ZNF443: variants seen among roughly 807,000 people sequenced by gnomAD.
The protein encoded by ZNF443 is zinc finger protein 443, also known as Kruppel-type zinc finger (C2H2).
ZNF443 carries 3 observed loss-of-function variants against 12.0 expected under a neutral mutation model. The observed-to-expected ratio is 0.25, with a 90% CI of 0.11 to 0.64. The LOEUF is 0.64. Among genes scored for constraint, ZNF443 ranks in the 30% least tolerant of loss-of-function variants. The pLI is 0.84. For synonymous variants in ZNF443, 225 were observed against 265.9 expected, an observed-to-expected ratio of 0.85 and a Z score of 1.50; for missense variants, 770 against 808.8, an observed-to-expected ratio of 0.95 and a Z score of 0.58.
At chr19:12,440,764 T>G (rs1000424547) in intron 1 of ZNF443, 148 bp downstream of exon 1, 15 of 1,364,264 alleles carry the variant, frequency 1.1e-5, no homozygotes, top group Non-Finnish European at 1.5e-5. Flanking sequence ...AGCCCCACCC[T>G]GCGGCCGAGG....
intron 1 of ZNF443, among the ~76,000 whole-genome samples, chr19:12,440,572 CG>C (rs1970354788): frequency 6.6e-6 from 1 of 152,114 alleles, no homozygotes; most frequent in African/African-American, 2.4e-5. Flanking sequence ...CCTGTTAAAC[CG>C]TTTCTGCTGC....
At chr19:12,439,967 G>T (rs1432181897) in intron 1 of ZNF443, among the ~76,000 whole-genome samples, 5 of 151,644 alleles carry the variant, frequency 3.3e-5, no homozygotes, top group Admixed American at 1.3e-4. Context: ...GCCCTAGGAA[G>T]AGTCAGGATG....
At position 12,431,486 on chromosome 19, in the gene ZNF443, T is replaced by C; in HGVS notation, c.686A>G (p.Gln229Arg). 6.2e-7 allele frequency: 1 copy of C among 1,614,148 alleles called. No homozygotes were observed. The highest frequency in any genetic ancestry group is 8.5e-7 in the Non-Finnish European group (1 of 1,179,984). ...HTGEKPYECK[Q>R]CSKAFSFYSS... ...GTAAAAAGAAAAGGCTTTAGAACAC[T>C]GCTTACATTCATATGGTTTCTCTCC... The change falls in exon 4 of 4, where the codon CAG becomes CGG. Residue 229 changes from glutamine to arginine, a missense_variant. Gln to Arg is a conservative substitution (Grantham distance 43, BLOSUM62 1). Transcript: ENST00000301547.
At chr19:12,433,436 A>C (rs1434166142) in intron 1 of ZNF443, among the ~76,000 whole-genome samples, 1 of 152,248 alleles carries the variant, frequency 6.6e-6, no homozygotes, top group African/African-American at 2.4e-5. Context: ...TGGCGAACTA[A>C]GTGAGTGAAT....
Position 12,430,569 on chromosome 19 carries a change from T to TAGA in ZNF443, c.1602_1603insTCT (p.Cys534_Lys535insSer), listed in dbSNP as rs1970238465. On this transcript the variant is annotated inframe_insertion, in exon 4 of 4. Coordinates refer to ENST00000301547, the MANE Select transcript of ZNF443 (RefSeq NM_005815.5). ...TGACCGAAGGCTTTCCTACATGTTT[T>TAGA]ACACTCATAAGGTTTCTCTCCTGTG... 1 of 1,613,968 alleles carries TAGA rather than the reference T, an allele frequency of 6.2e-7. No homozygotes were observed. The highest frequency in any genetic ancestry group is 8.5e-7 in the Non-Finnish European group (1 of 1,179,984).
Position 12,430,478 on chromosome 19 carries a change from C to T in ZNF443, c.1694G>A (p.Cys565Tyr), listed in dbSNP as rs1183627836. ...SGEKPYECKE[C>Y]GKAFSWLTCF... ...AGTGAGCCAAGAGAATGCTTTCCCA[C>T]ATTCCTTACATTCATACGGCTTCTC... Residue 565 changes from cysteine (C) to tyrosine (Y), a missense_variant, in exon 4 of 4, where the codon TGT (cysteine) becomes TAT (tyrosine). By Grantham distance (194) the Cys-to-Tyr change is radical. This residue lies in a region of ZNF443 where 736 missense variants were observed against 689.4 expected (regional missense o/e 1.07). Coordinates refer to ENST00000301547, the MANE Select transcript of ZNF443 (RefSeq NM_005815.5). 6.2e-7 allele frequency: 1 copy of T among 1,614,054 alleles called. No homozygotes were observed. Among genetic ancestry groups the T allele is most frequent in the African/African-American group, 1.3e-5 (1 of 74,944 alleles).
chr19:12,438,685 AAAAC>A (rs1281250541), intron 1 of ZNF443, among the ~76,000 whole-genome samples: 8 of 152,202 alleles, frequency 5.3e-5, no homozygotes, highest in Non-Finnish European at 1.0e-4. Flanking sequence ...AATCATCCGA[AAAAC>A]AAACACACCT....
intron 1 of ZNF443, among the ~76,000 whole-genome samples, chr19:12,433,609 G>A (rs776961333): frequency 2.1e-4 from 32 of 152,252 alleles, no homozygotes; most frequent in Admixed American, 4.6e-4. Flanking sequence ...TTTTCATGGT[G>A]TCTAGACAGT....
chr19:12,433,278 T>C, intron 1 of ZNF443, 81 bp from the exon 2 acceptor site: 5 of 1,468,122 alleles, frequency 3.4e-6, no homozygotes, highest in East Asian at 2.5e-5. Flanking sequence ...AAATTTCACA[T>C]GATGCTGTGG....
chr19:12,431,692 C>T lies in ZNF443; in HGVS notation c.480G>A (p.Glu160=), dbSNP rs777798631. Residue 160 remains glutamate (E), a synonymous_variant, in exon 4 of 4, where the codon GAG becomes GAA. Transcript: ENST00000301547. The stretch of plus-strand genomic sequence containing the variant: ...ATGGTTTCTTTCCAGTGTGAAGCCT[C>T]TCATGTGTTTGAAATGAGTTGTGGT... The part of the protein sequence containing the change: ...FSYHNSFQTH[E]RLHTGKKPYD... 3.7e-6 allele frequency: 6 copies of T among 1,614,140 alleles called. No homozygotes were observed. The South Asian group carries it at 6.6e-5, about 18-fold the overall frequency.
At chr19:12,432,603 T>C (rs1462623407) in intron 2 of ZNF443, among the ~76,000 whole-genome samples, 166 bp from the exon 3 acceptor site, 1 of 141,238 alleles carries the variant, frequency 7.1e-6, no homozygotes, top group Non-Finnish European at 1.5e-5. Context: ...TATACATATA[T>C]ATATGAATGT....
At chr19:12,436,114 G>A (rs185686551) in intron 1 of ZNF443, among the ~76,000 whole-genome samples, 1,645 of 147,116 alleles carry the variant, frequency 0.011, 18 homozygotes, top group Non-Finnish European at 0.017. Flanking sequence ...GTTCAATGAA[G>A]TAAAGGCAAT....
At position 12,430,156 on chromosome 19, in the gene ZNF443, C is replaced by G. The variant is rs1568236554; in HGVS notation, c.2016G>C (p.Ter672TyrextTer4). 6.2e-7 allele frequency: 1 copy of G among 1,612,634 alleles called. No homozygotes were observed. Among genetic ancestry groups the G allele is most frequent in the East Asian group, 2.2e-5 (1 of 44,860 alleles). ...SSLHRHKKTH* is the reference protein window; with the variant it reads ...SSLHRHKKTHY ...ACATTCCATACATTTAGAGAGAATGCTAGTGAGTCTTTTTATGTCTATGCA... is the reference window on the plus strand; with the variant it reads ...ACATTCCATACATTTAGAGAGAATGGTAGTGAGTCTTTTTATGTCTATGCA... The change falls in exon 4 of 4, where the codon TAG becomes TAC. Residue 672 changes from the stop codon to tyrosine, a stop_lost. Coordinates refer to ENST00000301547, the MANE Select transcript of ZNF443 (RefSeq NM_005815.5).
At chr19:12,433,717 C>T (rs1970280947) in intron 1 of ZNF443, among the ~76,000 whole-genome samples, 1 of 152,006 alleles carries the variant, frequency 6.6e-6, no homozygotes, top group South Asian at 2.1e-4. Context: ...CTCCCATCTT[C>T]CTTCTGAGAG....
At position 12,431,607 on chromosome 19, in the gene ZNF443, C is replaced by T; in HGVS notation, c.565G>A (p.Ala189Thr). 1 of 1,614,146 alleles carries T rather than the reference C, an allele frequency of 6.2e-7. No individual in the cohort carries two copies. The highest frequency in any genetic ancestry group is 1.3e-5 in the African/African-American group (1 of 75,050). ...SSLGNLQRHM[A>T]VQRGDGPYKC... ...TAAGGTCCATCTCCACGCTGCACTG[C>T]CATGTGTCTTTGAAGGTTTCCCAAA... The change falls in exon 4 of 4, where the codon GCA becomes ACA. Residue 189 changes from alanine (A) to threonine (T), a missense_variant. By Grantham distance (58) the Ala-to-Thr change is moderately conservative. Around this residue, in one of 3 missense-constraint regions of ZNF443, gnomAD observed 736 missense variants for 689.4 expected, o/e 1.07. Transcript: ENST00000301547.
Position 12,430,874 on chromosome 19 carries a change from G to A in ZNF443, c.1298C>T (p.Pro433Leu), listed in dbSNP as rs186925665. 4 of 1,613,866 alleles carry A rather than the reference G, an allele frequency of 2.5e-6. No individual in the cohort carries two copies. In the East Asian group the frequency reaches 8.9e-5, roughly 36 times the overall value. The change falls in exon 4 of 4, where the codon CCC becomes CTC. Residue 433 changes from proline (P) to leucine (L), a missense_variant. By Grantham distance (98) the Pro-to-Leu change is moderately conservative. Coordinates refer to ENST00000301547, the MANE Select transcript of ZNF443 (RefSeq NM_005815.5). ...CCTTTCATGTCTTTGAAATACACTGGGATAAACAAAGGCTTTCCCACATAC... is the reference window on the plus strand; with the variant it reads ...CCTTTCATGTCTTTGAAATACACTGAGATAAACAAAGGCTTTCCCACATAC... Reference protein sequence around the residue: ...CKVCGKAFVYPSVFQRHERTH... With the variant: ...CKVCGKAFVYLSVFQRHERTH...
At position 12,440,930 on chromosome 19, in the gene ZNF443, G is replaced by A. The variant is rs1439318196; in HGVS notation, c.-16C>T. On this transcript the variant is annotated 5_prime_UTR_variant, in exon 1 of 4. Transcript: ENST00000301547. The stretch of plus-strand genomic sequence containing the variant: ...CACGCACCATTTCCCGACTTCCGCG[G>A]TGTCCCAGGTCCTACCGACAGCTCC... 2.5e-6 allele frequency: 4 copies of A among 1,614,082 alleles called. No individual in the cohort carries two copies. The highest frequency in any genetic ancestry group is 3.4e-6 in the Non-Finnish European group (4 of 1,179,980).
intron 1 of ZNF443, among the ~76,000 whole-genome samples, chr19:12,435,311 C>T (rs911508949): frequency 2.6e-5 from 4 of 151,990 alleles, no homozygotes; most frequent in Non-Finnish European, 5.9e-5. Flanking sequence ...CAATATAACA[C>T]GATCAGGGTC....
intron 1 of ZNF443, among the ~76,000 whole-genome samples, chr19:12,436,655 G>T (rs1475633164): frequency 1.3e-5 from 2 of 152,006 alleles, no homozygotes; most frequent in East Asian, 3.9e-4. Context: ...GAATGAAATT[G>T]AGAGAACATG....
Sources: gnomAD v4.1 joint callset for allele counts (sites outside exome capture counted in the v4.1 genomes callset) on GRCh38, gnomAD v4.1.1 for gene constraint, gnomAD v4.1.1 regional missense constraint, MANE v1.5 for transcripts, NCBI Gene and HGNC (gene_info 2026-07-23, HGNC 2026-07-21) for gene names.